The following ASIC2 variants were observed in gnomAD, a reference collection of about 807,000 sequenced individuals.
The protein encoded by ASIC2 is acid-sensing ion channel 2.
A neutral mutation model predicts 57.3 loss-of-function variants in ASIC2; 25 were observed. The ratio of observed to expected loss-of-function variants is 0.44; its 90% CI spans 0.32 to 0.61. ASIC2 has a LOEUF of 0.61. Among genes scored for constraint, ASIC2 ranks in the 20% least tolerant of loss-of-function variants. The pLI is 0.06. For synonymous variants in ASIC2, 319 were observed against 307.5 expected, an observed-to-expected ratio of 1.04 and a Z score of -0.39; for missense variants, 641 against 738.1, an observed-to-expected ratio of 0.87 and a Z score of 1.52.
chr17:34,054,134 T>C (rs1463136260), intron 1 of ASIC2, among the ~76,000 whole-genome samples: 1 of 152,270 alleles, frequency 6.6e-6, no homozygotes, highest in Non-Finnish European at 1.5e-5. Flanking sequence ...TAATCTTGCA[T>C]GTGCTCTAGT....
At chr17:34,088,843 G>A (rs1024799273) in intron 1 of ASIC2, among the ~76,000 whole-genome samples, 3 of 152,230 alleles carry the variant, frequency 2.0e-5, no homozygotes, top group Admixed American at 6.5e-5. Context: ...TCCGAGCCAC[G>A]TGCGGGATAT....
At chr17:33,063,283 T>C (rs2092028582) in intron 3 of ASIC2, among the ~76,000 whole-genome samples, 1 of 152,248 alleles carries the variant, frequency 6.6e-6, no homozygotes, top group South Asian at 2.1e-4. Context: ...TTGTCATGTT[T>C]TTGCAGTGGC....
At chr17:33,358,632 A>G (rs1908480655) in intron 1 of ASIC2, among the ~76,000 whole-genome samples, 2 of 152,326 alleles carry the variant, frequency 1.3e-5, no homozygotes, top group Middle Eastern at 3.4e-3. Context: ...ATAAGAGACT[A>G]AACAATCACT....
At chr17:33,438,598 A>C (rs56281522) in intron 1 of ASIC2, among the ~76,000 whole-genome samples, 11,558 of 152,194 alleles carry the variant, frequency 0.076, 501 homozygotes, top group Middle Eastern at 0.1. Flanking sequence ...TTAGTCATAA[A>C]AGCAGTTTTT....
chr17:33,764,284 T>C lies in ASIC2; in HGVS notation c.555+391694A>G, dbSNP rs886559729. On this transcript the variant is annotated intron_variant, in intron 1 of 9. Coordinates refer to the ASIC2 transcript ENST00000359872. ...GTGAGCCCAGATCGCGCCACTGCAC[T>C]CCAGCCTGGGCGAGAAAACAAGACT... Among the ~76,000 whole-genome samples, 32 of 145,780 alleles carry C rather than the reference T, an allele frequency of 2.2e-4. No homozygotes were observed. In the Admixed American group the frequency reaches 2.2e-3, roughly 10 times the overall value.
At chr17:33,438,848 CTTTTT>C (rs55935165) in intron 1 of ASIC2, among the ~76,000 whole-genome samples, 12 of 130,416 alleles carry the variant, frequency 9.2e-5, no homozygotes, top group East Asian at 9.1e-4. Flanking sequence ...GCAGGGGAAC[CTTTTT>C]TTTTTTTTTT....
At chr17:33,727,666 T>C (rs1909607549) in intron 1 of ASIC2, among the ~76,000 whole-genome samples, 1 of 152,192 alleles carries the variant, frequency 6.6e-6, no homozygotes, top group African/African-American at 2.4e-5. Context: ...TGACTGCAAG[T>C]TTCCTGAGGC....
At chr17:33,683,847 G>A (rs117425815) in intron 1 of ASIC2, among the ~76,000 whole-genome samples, 1 of 152,122 alleles carries the variant, frequency 6.6e-6, no homozygotes, top group East Asian at 1.9e-4. Flanking sequence ...AGTTACATCG[G>A]ATTAGGAGCC....
At chr17:34,116,716 G>A (rs1191277998) in intron 1 of ASIC2, among the ~76,000 whole-genome samples, 1 of 152,116 alleles carries the variant, frequency 6.6e-6, no homozygotes, top group African/African-American at 2.4e-5. Context: ...TGTGATTGTT[G>A]TTAGTATGTC....
intron 1 of ASIC2, among the ~76,000 whole-genome samples, chr17:33,702,315 G>A (rs530691964): frequency 6.6e-6 from 1 of 152,138 alleles, no homozygotes; most frequent in Non-Finnish European, 1.5e-5. Flanking sequence ...TAGAGGGGGG[G>A]TATCACTGAT....
chr17:33,951,574 TTTTTC>T (rs1183497289), intron 1 of ASIC2, among the ~76,000 whole-genome samples: 3 of 151,734 alleles, frequency 2.0e-5, no homozygotes, highest in East Asian at 1.9e-4. Flanking sequence ...TTTCTTTTCT[TTTTTC>T]TTTTCTTTTT....
intron 1 of ASIC2, among the ~76,000 whole-genome samples, chr17:33,371,969 G>A (rs1909082970): frequency 6.6e-6 from 1 of 152,134 alleles, no homozygotes; most frequent in South Asian, 2.1e-4. Context: ...ATCCCAGGTG[G>A]AGGTGAGCTG....
intron 1 of ASIC2, among the ~76,000 whole-genome samples, chr17:33,567,167 T>C (rs1156785222): frequency 6.6e-6 from 1 of 151,286 alleles, no homozygotes; most frequent in Non-Finnish European, 1.5e-5. Flanking sequence ...TGGTGGCTGC[T>C]TTAGTGAGGG....
chr17:33,179,117 T>C (rs1204191884), intron 1 of ASIC2, among the ~76,000 whole-genome samples: 1 of 152,170 alleles, frequency 6.6e-6, no homozygotes, highest in African/African-American at 2.4e-5. Context: ...GAGGAGAGCA[T>C]GCATGTAGCT....
rs527873419 is a variant in ASIC2, at chr17:33,018,135, C to T, written c.1442-451G>A. On this transcript the variant is annotated intron_variant, in intron 7 of 9. Transcript: ENST00000225823. ...TGGGCTTCAGGGCCACCTTAGGGCA[C>T]CTCCCACCCTTGGGATAAGGCCATA... Among the ~76,000 whole-genome samples, 3 of 152,340 alleles carry T rather than the reference C, an allele frequency of 2.0e-5. No homozygotes were observed. In the East Asian group the frequency reaches 5.8e-4, roughly 29 times the overall value.
intron 1 of ASIC2, among the ~76,000 whole-genome samples, chr17:33,541,700 C>T (rs1915416364): frequency 6.6e-6 from 1 of 152,150 alleles, no homozygotes; most frequent in African/African-American, 2.4e-5. Flanking sequence ...GAGTGAGCCA[C>T]CTTCATGCAT....
chr17:33,735,391 G>A (rs889470650), intron 1 of ASIC2, among the ~76,000 whole-genome samples: 2 of 152,138 alleles, frequency 1.3e-5, no homozygotes, highest in Non-Finnish European at 2.9e-5. Context: ...ATTAGGAAAG[G>A]TTCACTGTAT....
At chr17:33,148,985 T>G (rs1904675539) in intron 1 of ASIC2, among the ~76,000 whole-genome samples, 1 of 151,990 alleles carries the variant, frequency 6.6e-6, no homozygotes, top group African/African-American at 2.4e-5. Flanking sequence ...TCCCAGTTAC[T>G]CAGGAGACTG....
At chr17:34,081,820 T>C (rs1006191271) in intron 1 of ASIC2, among the ~76,000 whole-genome samples, 3 of 152,212 alleles carry the variant, frequency 2.0e-5, no homozygotes, top group Admixed American at 6.5e-5. Context: ...TAAGCCTCAG[T>C]ATTTTTATAT....
Sources: allele counts gnomAD v4.1 joint callset (sites outside exome capture counted in the v4.1 genomes callset), GRCh38; gene constraint gnomAD v4.1.1; transcripts MANE v1.5; gene names NCBI Gene and HGNC (gene_info 2026-07-23, HGNC 2026-07-21).